Variants in KIF16B observed in about 807,000 individuals in gnomAD.
KIF16B encodes kinesin family member 16B, also known as kinesin-like protein KIF16B.
KIF16B carries 98 observed loss-of-function variants against 156.3 expected under a neutral mutation model. That is an observed-to-expected ratio of 0.63 (90% CI 0.53 to 0.74). The LOEUF (loss-of-function observed/expected upper bound fraction) is 0.74. KIF16B is among the 30% of genes least tolerant of loss of function. The pLI, the probability that KIF16B is intolerant of heterozygous loss-of-function variation, is 0.00. For synonymous variants in KIF16B, 564 were observed against 583.7 expected (o/e 0.97, Z 0.49); for missense variants, 1,421 against 1,606.5 (o/e 0.88, Z 1.97).
In KIF16B at chr20:16,407,291, T is replaced by C. The variant is rs185049945; in HGVS notation, c.1613-835A>G. On this transcript the variant is annotated intron_variant, in intron 15 of 25. Transcript: ENST00000354981. ...AGAGAAAAGATGTTGCAGAAGAGGT[T>C]CACTGTGTCTTCTGAAGTCCCATCC... is the stretch of plus-strand genomic sequence containing the variant. 9.9e-5 allele frequency among the ~76,000 whole-genome samples: 15 copies of C among 152,268 alleles called. No homozygotes were observed. The East Asian group carries it at 2.9e-3, about 30-fold the overall frequency.
At chr20:16,517,075 C>T (rs1003676905) in intron 3 of KIF16B, among the ~76,000 whole-genome samples, 8 of 152,156 alleles carry the variant, frequency 5.3e-5, no homozygotes, top group Non-Finnish European at 1.2e-4. Flanking sequence ...GGCCAGTAAA[C>T]CTGGCCATCT....
At chr20:16,301,406 C>T (rs574480238) in intron 25 of KIF16B, among the ~76,000 whole-genome samples, 62 of 152,250 alleles carry the variant, frequency 4.1e-4, no homozygotes, top group Non-Finnish European at 7.8e-4. Context: ...TGTAAGAAAT[C>T]GCCAAAACTG....
chr20:16,280,841 C>CGTGTGTGTGTGTGT (rs1555833614), intron 25 of KIF16B, among the ~76,000 whole-genome samples: 14 of 74,434 alleles, frequency 1.9e-4, no homozygotes, highest in African/African-American at 6.5e-4. Flanking sequence ...TGCGCGCGCA[C>CGTGTGTGTGTGTGT]GTGTGTGTGT....
intron 22 of KIF16B, chr20:16,368,957 C>A (rs574119163): frequency 4.1e-6 from 4 of 985,822 alleles, no homozygotes; most frequent in Non-Finnish European, 4.8e-6. Flanking sequence ...GTGTTACTTT[C>A]GTTAAGAAAA....
At chr20:16,375,299 G>A (rs996159106) in intron 19 of KIF16B, among the ~76,000 whole-genome samples, 3 of 152,188 alleles carry the variant, frequency 2.0e-5, no homozygotes, top group African/African-American at 7.2e-5. Context: ...AAATGAGAGC[G>A]TCAACTAATC....
At chr20:16,436,580 G>C (rs1436636495) in intron 12 of KIF16B, among the ~76,000 whole-genome samples, 2 of 152,068 alleles carry the variant, frequency 1.3e-5, no homozygotes, top group African/African-American at 2.4e-5. Context: ...TACAGTGGGG[G>C]GTATTCTGGA....
intron 1 of KIF16B, among the ~76,000 whole-genome samples, chr20:16,539,750 G>C (rs1019069899): frequency 1.3e-5 from 2 of 152,200 alleles, no homozygotes; most frequent in Non-Finnish European, 1.5e-5. Context: ...TGCAATGGAA[G>C]AACAGCCTAA....
At position 16,284,926 on chromosome 20, in the gene KIF16B, C is replaced by T. The variant is rs73898471; in HGVS notation, c.3796-11515G>A. On this transcript the variant is annotated intron_variant, in intron 25 of 25. Transcript: ENST00000354981. Reference sequence around the variant, plus strand: ...GGTGAGCACGCGCCCTCCCACCTCCCGCACTCACACCCACAGGCTTGTGCT... The same window carrying T: ...GGTGAGCACGCGCCCTCCCACCTCCTGCACTCACACCCACAGGCTTGTGCT... 3.6e-3 allele frequency among the ~76,000 whole-genome samples: 547 copies of T among 152,308 alleles called. 4 individuals carry two copies. The highest frequency in any genetic ancestry group is 0.024 in the Middle Eastern group (7 of 294).
chr20:16,361,006 T>C (rs1021232283), intron 22 of KIF16B, among the ~76,000 whole-genome samples: 1 of 152,202 alleles, frequency 6.6e-6, no homozygotes, highest in African/African-American at 2.4e-5. Flanking sequence ...AAATTCAGTA[T>C]ACACATCATG....
chr20:16,449,327 G>A (rs1295309522), intron 12 of KIF16B, among the ~76,000 whole-genome samples: 1 of 152,030 alleles, frequency 6.6e-6, no homozygotes, highest in African/African-American at 2.4e-5. Flanking sequence ...CAAAAACAGA[G>A]AATGTTTACA....
chr20:16,310,735 G>A (rs192956142), intron 25 of KIF16B, among the ~76,000 whole-genome samples: 70 of 152,118 alleles, frequency 4.6e-4, no homozygotes, highest in African/African-American at 1.6e-3. Flanking sequence ...CAGACTCACC[G>A]CAATAATCTT....
intron 3 of KIF16B, among the ~76,000 whole-genome samples, chr20:16,525,179 AAAAG>A (rs769037285): frequency 1.3e-5 from 2 of 152,202 alleles, no homozygotes; most frequent in Non-Finnish European, 2.9e-5. Flanking sequence ...CATAATTTAA[AAAAG>A]AAAGAAAGAA....
At chr20:16,391,213 A>T (rs1252523759) in intron 17 of KIF16B, among the ~76,000 whole-genome samples, 2 of 152,164 alleles carry the variant, frequency 1.3e-5, no homozygotes, top group Admixed American at 1.3e-4. Context: ...GTGATGAGAA[A>T]TAACAGGGAA....
chr20:16,330,836 G>C (rs1473945902), intron 24 of KIF16B, among the ~76,000 whole-genome samples: 1 of 152,226 alleles, frequency 6.6e-6, no homozygotes, highest in Non-Finnish European at 1.5e-5. Flanking sequence ...TCTGCCTATG[G>C]AGTTGTTATA....
rs180977526 is a variant in KIF16B, at chr20:16,405,102, A to C, written c.1696-201T>G. 3.9e-5 allele frequency among the ~76,000 whole-genome samples: 6 copies of C among 152,268 alleles called. No individual in the cohort carries two copies. In the East Asian group the frequency reaches 1.2e-3, roughly 29 times the overall value. ...ACATTTCAAACCCGAGCCTTCTCCTAAGTACAGCAGGACCTTGGCCTTCTA... is the reference window on the plus strand; with the variant it reads ...ACATTTCAAACCCGAGCCTTCTCCTCAGTACAGCAGGACCTTGGCCTTCTA... On this transcript the variant is annotated intron_variant, in intron 16 of 25. Transcript: ENST00000354981.
chr20:16,344,204 T>C (rs6043904), intron 23 of KIF16B, among the ~76,000 whole-genome samples: 84,662 of 152,106 alleles, frequency 0.56, 24,194 homozygotes, highest in East Asian at 0.94. Flanking sequence ...CAAGCATTAG[T>C]ATATTAGATT....
At position 16,272,234 on chromosome 20, in the gene KIF16B, T is replaced by C. The variant is rs910583093; in HGVS notation, c.*1019A>G. The C allele has an allele frequency of 2.0e-5, 3 of 152,648 alleles. No individual in the cohort carries two copies. The highest frequency in any genetic ancestry group is 6.5e-5 in the Admixed American group (1 of 15,278). 9.5% of individuals were successfully genotyped at this position (152,648 alleles called of 1,614,324 possible). A position where few individuals can be genotyped will look rare whatever the true frequency, so the allele number is the denominator to read the frequency against. ...CTACTGTACAGAATGTATACATATATAAATCTATAGATAGAATTATATACA... is the reference window on the plus strand; with the variant it reads ...CTACTGTACAGAATGTATACATATACAAATCTATAGATAGAATTATATACA... On this transcript the variant is annotated 3_prime_UTR_variant, in exon 26 of 26. Transcript: ENST00000354981.
intron 20 of KIF16B, among the ~76,000 whole-genome samples, chr20:16,374,037 G>C (rs953273915): frequency 2.0e-5 from 3 of 152,164 alleles, no homozygotes; most frequent in Non-Finnish European, 4.4e-5. Context: ...AGATTCCTTG[G>C]ATCTGGCTAG....
intron 1 of KIF16B, among the ~76,000 whole-genome samples, chr20:16,570,356 T>A (rs868217004): frequency 3.3e-5 from 5 of 152,344 alleles, no homozygotes; most frequent in Middle Eastern, 6.8e-3. Flanking sequence ...TGCTTAAGTA[T>A]ACAGATTTCT....
Sources: allele counts gnomAD v4.1 joint callset (sites outside exome capture counted in the v4.1 genomes callset), GRCh38; gene constraint gnomAD v4.1.1; transcripts MANE v1.5; gene names NCBI Gene and HGNC (gene_info 2026-07-23, HGNC 2026-07-21).